The following KPNA6 variants were observed in gnomAD, a reference collection of about 807,000 sequenced individuals.
KPNA6 encodes karyopherin subunit alpha 6.
KPNA6 carries 9 observed loss-of-function variants against 72.0 expected under a neutral mutation model. That is an observed-to-expected ratio of 0.13 (90% CI 0.08 to 0.22). The LOEUF (loss-of-function observed/expected upper bound fraction) is 0.22, where lower values mean the gene tolerates loss of function less well. KPNA6 is among the 10% of genes least tolerant of loss of function. The pLI, the probability that KPNA6 is intolerant of heterozygous loss-of-function variation, is 1.00. For synonymous variants in KPNA6, 219 were observed against 242.1 expected (o/e 0.90, Z 0.89); for missense variants, 374 against 655.7 (o/e 0.57, Z 4.69).
chr1:32,150,928 T>C (rs1367563093), intron 1 of KPNA6, among the ~76,000 whole-genome samples: 1 of 151,050 alleles, frequency 6.6e-6, no homozygotes, highest in Non-Finnish European at 1.5e-5. Context: ...CCCCGGCTGT[T>C]TTTGTTTTTT....
chr1:32,127,402 A>G (rs1013444917), intron 1 of KPNA6, among the ~76,000 whole-genome samples: 6 of 152,176 alleles, frequency 3.9e-5, no homozygotes, highest in Admixed American at 1.3e-4. Flanking sequence ...CCTTTCTCAC[A>G]TGGGGCCTTA....
At chr1:32,168,224 C>T (rs1230902922) in intron 12 of KPNA6, among the ~76,000 whole-genome samples, 1 of 152,200 alleles carries the variant, frequency 6.6e-6, no homozygotes, top group Non-Finnish European at 1.5e-5. Context: ...TTGAAAGAAG[C>T]GAATAGAAAG....
At chr1:32,111,929 A>G (rs1641249460) in intron 1 of KPNA6, among the ~76,000 whole-genome samples, 1 of 152,174 alleles carries the variant, frequency 6.6e-6, no homozygotes, top group Middle Eastern at 3.2e-3. Context: ...CTTGGCAGAC[A>G]CTACTTGTCT....
At chr1:32,152,604 G>A (rs1319673179) in intron 1 of KPNA6, among the ~76,000 whole-genome samples, 1 of 152,164 alleles carries the variant, frequency 6.6e-6, no homozygotes, top group Non-Finnish European at 1.5e-5. Context: ...CCAGCACTTT[G>A]GGAGGCCGAG....
intron 10 of KPNA6, among the ~76,000 whole-genome samples, chr1:32,164,678 C>T (rs1642299754): frequency 6.7e-6 from 1 of 149,554 alleles, no homozygotes. Flanking sequence ...TGCTTATTGG[C>T]CATCTGTGTA....
chr1:32,167,988 A>G (rs1487273555), intron 12 of KPNA6, among the ~76,000 whole-genome samples: 2 of 152,038 alleles, frequency 1.3e-5, no homozygotes, highest in Non-Finnish European at 2.9e-5. Context: ...CAACATAGGG[A>G]CTTTGTCTCA....
At chr1:32,117,972 G>A (rs1164727794) in intron 1 of KPNA6, among the ~76,000 whole-genome samples, 1 of 151,822 alleles carries the variant, frequency 6.6e-6, no homozygotes, top group African/African-American at 2.4e-5. Context: ...TGCCCAGGCT[G>A]GAGTGCAGTG....
chr1:32,137,555 C>T (rs1306535214), intron 1 of KPNA6, among the ~76,000 whole-genome samples: 3 of 152,104 alleles, frequency 2.0e-5, no homozygotes. Flanking sequence ...TTATTGTAAA[C>T]GACTTCAGAT....
At chr1:32,162,257 T>TTG (rs1570066182) in intron 8 of KPNA6, 104 bp from the exon 9 acceptor site, 5 of 1,137,246 alleles carry the variant, frequency 4.4e-6, no homozygotes, top group South Asian at 1.5e-5. Context: ...CTGGAATTAC[T>TTG]TGTGTGTGTG....
At chr1:32,114,314 A>G (rs569463452) in intron 1 of KPNA6, among the ~76,000 whole-genome samples, 1 of 151,934 alleles carries the variant, frequency 6.6e-6, no homozygotes, top group South Asian at 2.1e-4. Flanking sequence ...GGTGGTGCAC[A>G]CCTATAATCC....
At chr1:32,133,516 C>CAAAAAAAAAAAA (rs56850687) in intron 1 of KPNA6, among the ~76,000 whole-genome samples, 1 of 43,888 alleles carries the variant, frequency 2.3e-5, no homozygotes, top group Non-Finnish European at 5.3e-5. Flanking sequence ...CTAGTCTCTA[C>CAAAAAAAAAAAA]AAAAAAAAAA....
At chr1:32,121,566 T>G (rs1488416737) in intron 1 of KPNA6, among the ~76,000 whole-genome samples, 1 of 152,054 alleles carries the variant, frequency 6.6e-6, no homozygotes, top group East Asian at 1.9e-4. Flanking sequence ...AGGAAAAATG[T>G]GATGAGAGCT....
rs772188017 is a variant in KPNA6 at position 32,170,079 on chromosome 1, A to G, written c.1423+19A>G. The G allele has an allele frequency of 7.5e-6, 12 of 1,606,892 alleles. No homozygotes were observed. The African/African-American group carries it at 8.0e-5, about 11-fold the overall frequency. Reference sequence around the variant, plus strand: ...GCCTATGGTATGTGCCCTCTCCTCAATCTAGGTCAGAACCTGAGACTGTAG... The same window carrying G: ...GCCTATGGTATGTGCCCTCTCCTCAGTCTAGGTCAGAACCTGAGACTGTAG... On this transcript the variant is annotated intron_variant, in intron 13 of 13. Transcript: ENST00000373625.
intron 1 of KPNA6, among the ~76,000 whole-genome samples, chr1:32,138,555 A>G (rs959259230): frequency 1.3e-5 from 2 of 151,712 alleles, no homozygotes; most frequent in African/African-American, 4.8e-5. Context: ...AAAAAAAAAA[A>G]AAAAAAAAAA....
At chr1:32,108,321 C>T (rs549167141) in intron 1 of KPNA6, among the ~76,000 whole-genome samples, 187 bp downstream of exon 1, 3 of 152,362 alleles carry the variant, frequency 2.0e-5, no homozygotes, top group Non-Finnish European at 4.4e-5. Flanking sequence ...GTGCTGGAAG[C>T]AGTCCTTTGG....
intron 1 of KPNA6, among the ~76,000 whole-genome samples, chr1:32,122,446 C>T (rs949685899): frequency 8.0e-5 from 12 of 150,332 alleles, no homozygotes; most frequent in African/African-American, 2.5e-5. Flanking sequence ...GTGGCCTGTG[C>T]AAAGACGGTT....
At chr1:32,158,057 A>G (rs1392811562) in intron 4 of KPNA6, among the ~76,000 whole-genome samples, 1 of 152,188 alleles carries the variant, frequency 6.6e-6, no homozygotes, top group Non-Finnish European at 1.5e-5. Flanking sequence ...GAACATTCTT[A>G]AATTAGGATT....
At chr1:32,158,476 T>A (rs1421887960) in intron 5 of KPNA6, 115 bp downstream of exon 5, 2 of 618,610 alleles carry the variant, frequency 3.2e-6, no homozygotes, top group Non-Finnish European at 5.8e-6. Flanking sequence ...CAATTTGAAA[T>A]AAGCAAATCA....
At chr1:32,162,640 G>A (rs916111429) in intron 9 of KPNA6, 116 bp downstream of exon 9, 12 of 1,065,358 alleles carry the variant, frequency 1.1e-5, no homozygotes, top group South Asian at 2.7e-5. Flanking sequence ...TTCGAGACCA[G>A]CCTGACCAAC....
Sources: gnomAD v4.1 joint callset for allele counts (sites outside exome capture counted in the v4.1 genomes callset) on GRCh38, gnomAD v4.1.1 for gene constraint, MANE v1.5 for transcripts, NCBI Gene and HGNC (gene_info 2026-07-23, HGNC 2026-07-21) for gene names.